The following VWDE variants were observed in gnomAD, a reference collection of about 807,000 sequenced individuals.
VWDE encodes the protein von Willebrand factor D and EGF domain-containing protein.
Under a neutral mutation model 178.4 loss-of-function variants are expected in VWDE, and 207 were observed. That is an observed-to-expected ratio of 1.16 (90% CI 1.04 to 1.30). The LOEUF is 1.30. VWDE is among the 50% of genes most tolerant of loss of function. The pLI, the probability that VWDE is intolerant of heterozygous loss-of-function variation, is 0.00. For synonymous variants in VWDE, 738 were observed against 651.4 expected (o/e 1.13, Z -2.02); for missense variants, 2,287 against 1,901.3 (o/e 1.20, Z -3.77).
chr7:12,397,241 A>C (rs985934658), intron 1 of VWDE, among the ~76,000 whole-genome samples: 2 of 152,138 alleles, frequency 1.3e-5, no homozygotes, highest in Non-Finnish European at 2.9e-5. Flanking sequence ...AATGGAACAG[A>C]ATAGAGAACC....
In VWDE at chr7:12,344,248, TTAATACA is replaced by T. The variant is rs1276704593; in HGVS notation, c.4018_4024del (p.Cys1340SerfsTer44). 3.9e-6 allele frequency: 6 copies of T among 1,551,218 alleles called. No individual in the cohort carries two copies. The highest frequency in any genetic ancestry group is 5.2e-6 in the Non-Finnish European group (6 of 1,146,696). The stretch of plus-strand genomic sequence containing the variant: ...TGGAAGACACTGACAAATGTTAGGC[TTAATACA>T]TTTTCCATGGTTTTTGCAATCAGGG... On this transcript the variant is annotated frameshift_variant, in exon 21 of 29. Coordinates refer to ENST00000275358, the MANE Select transcript of VWDE (RefSeq NM_001135924.3). LOFTEE classifies it high-confidence loss of function.
chr7:12,370,589 G>T (rs928097780), intron 11 of VWDE, 67 bp downstream of exon 11: 2 of 1,533,522 alleles, frequency 1.3e-6, no homozygotes, highest in African/African-American at 2.8e-5. Context: ...AAAAAGCAGA[G>T]TGTTGAGCCA....
chr7:12,354,409 C>A (rs1402308855), intron 18 of VWDE: 1 of 443,772 alleles, frequency 2.3e-6, no homozygotes, highest in South Asian at 1.6e-5. Flanking sequence ...ATGATAGGAA[C>A]CAAAGGTATT....
chr7:12,361,660 A>G (rs1782589248), intron 13 of VWDE, 139 bp from the exon 14 acceptor site: 1 of 741,890 alleles, frequency 1.3e-6, no homozygotes, highest in African/African-American at 1.8e-5. Context: ...CAAAAGTCAC[A>G]TTGGGAGTGA....
intron 10 of VWDE, among the ~76,000 whole-genome samples, chr7:12,371,363 A>G (rs1233829434): frequency 6.6e-6 from 1 of 152,106 alleles, no homozygotes; most frequent in African/African-American, 2.4e-5. Context: ...TAGCTTGGGG[A>G]GTTGGCAATC....
rs188711103 is a variant in VWDE, at chr7:12,336,328, G to T, written c.4559-92C>A. 2.8e-4 allele frequency: 304 copies of T among 1,072,214 alleles called. No individual in the cohort carries two copies. The East Asian group carries it at 4.0e-3, about 14-fold the overall frequency. 66.4% of individuals were successfully genotyped at this position (1,072,214 alleles called of 1,614,324 possible). On this transcript the variant is annotated intron_variant, in intron 26 of 28. Coordinates refer to ENST00000275358, the MANE Select transcript of VWDE (RefSeq NM_001135924.3). ...AAACTTTTCATTAGAGAGAAAAAAA[G>T]AAATAGTTACAAGTAAGTGATTAAA...
At chr7:12,349,825 G>T (rs1211830972) in intron 19 of VWDE, among the ~76,000 whole-genome samples, 1 of 151,998 alleles carries the variant, frequency 6.6e-6, no homozygotes, top group African/African-American at 2.4e-5. Context: ...CTTTGGAGAT[G>T]AGAAAAGTAA....
chr7:12,333,745 C>A, intron 27 of VWDE, 177 bp from the exon 28 acceptor site: 1 of 423,376 alleles, frequency 2.4e-6, no homozygotes. Flanking sequence ...AGAGCACACG[C>A]ACACATCAAA....
chr7:12,367,386 A>C lies in VWDE; in HGVS notation c.2869T>G (p.Ser957Ala). Residue 957 changes from serine (S) to alanine (A), a missense_variant, in exon 13 of 29, where the codon TCA becomes GCA. Ser to Ala is a moderately conservative substitution (Grantham distance 99). Coordinates refer to ENST00000275358, the MANE Select transcript of VWDE (RefSeq NM_001135924.3). Reference protein sequence around the residue: ...VFGKGFKELPSIKCEVTKLQY... With the variant: ...VFGKGFKELPAIKCEVTKLQY... ...AGCTTAGTAACTTCACATTTAATTGAAGGTAATTCTTTGAAGCCTTTGCCA... is the reference window on the plus strand; with the variant it reads ...AGCTTAGTAACTTCACATTTAATTGCAGGTAATTCTTTGAAGCCTTTGCCA... The C allele has an allele frequency of 6.5e-7, 1 of 1,546,528 alleles. No individual in the cohort carries two copies. Among genetic ancestry groups the C allele is most frequent in the Non-Finnish European group, 8.7e-7 (1 of 1,144,450 alleles).
intron 17 of VWDE, among the ~76,000 whole-genome samples, chr7:12,356,833 G>A (rs1782276258): frequency 6.6e-6 from 1 of 152,160 alleles, no homozygotes; most frequent in Admixed American, 6.5e-5. Context: ...ATAATCAAAA[G>A]AAAAGTCAAT....
chr7:12,379,751 T>C (rs370605893), intron 5 of VWDE, among the ~76,000 whole-genome samples, 185 bp from the exon 6 acceptor site: 5 of 152,212 alleles, frequency 3.3e-5, no homozygotes, highest in East Asian at 3.8e-4. Flanking sequence ...ATATGACGTA[T>C]TCAAACCTCA....
In VWDE at chr7:12,383,541, C is replaced by G. The variant is rs1052667011; in HGVS notation, c.536G>C (p.Cys179Ser). 2 of 1,550,010 alleles carry G rather than the reference C, an allele frequency of 1.3e-6. No homozygotes were observed. Among genetic ancestry groups the G allele is most frequent in the African/African-American group, 2.7e-5 (2 of 72,970 alleles). The change falls in exon 4 of 29, where the codon TGT (cysteine) becomes TCT (serine). Residue 179 changes from cysteine to serine, a missense_variant. Coordinates refer to ENST00000275358, the MANE Select transcript of VWDE (RefSeq NM_001135924.3). ...GSDETETGGDCVRQLAASLPP... is the reference protein window; with the variant it reads ...GSDETETGGDSVRQLAASLPP... ...AAGCAAAATATGATACTTACGAACA[C>G]AATCACCTCCTGTTTCAGTTTCATC... is the stretch of plus-strand genomic sequence containing the variant.
chr7:12,345,431 A>C (rs76589991), intron 19 of VWDE, among the ~76,000 whole-genome samples: 3,987 of 152,256 alleles, frequency 0.026, 170 homozygotes, highest in African/African-American at 0.085. Flanking sequence ...CCAAAGGGGC[A>C]GCGTCCACAT....
chr7:12,360,431 A>T (rs1054661674), intron 15 of VWDE, among the ~76,000 whole-genome samples: 3 of 152,230 alleles, frequency 2.0e-5, no homozygotes, highest in African/African-American at 7.2e-5. Context: ...TGGGAAAAAT[A>T]AAAATCAAAC....
chr7:12,331,248 T>C (rs1208845399), intron 28 of VWDE, 51 bp from the exon 29 acceptor site: 2 of 1,472,160 alleles, frequency 1.4e-6, no homozygotes, highest in Non-Finnish European at 1.8e-6. Flanking sequence ...TAAAATCATT[T>C]AACCCTTACT....
chr7:12,375,318 T>A, intron 7 of VWDE, 91 bp from the exon 8 acceptor site: 1 of 1,004,064 alleles, frequency 1.0e-6, no homozygotes, highest in Non-Finnish European at 1.4e-6. Context: ...CACTGAATTG[T>A]AAGATTATTC....
At chr7:12,377,675 T>A (rs1023719970) in intron 7 of VWDE, 101 bp downstream of exon 7, 40 of 679,960 alleles carry the variant, frequency 5.9e-5, no homozygotes, top group Non-Finnish European at 3.4e-5. Flanking sequence ...ACATGCAACA[T>A]GATTTATTAT....
chr7:12,355,884 T>G (rs1252909687), intron 18 of VWDE, among the ~76,000 whole-genome samples: 1 of 152,214 alleles, frequency 6.6e-6, no homozygotes, highest in Non-Finnish European at 1.5e-5. Context: ...AACAGGTTCC[T>G]ACATTGCTAT....
chr7:12,373,551 G>A (rs898233541), intron 9 of VWDE, among the ~76,000 whole-genome samples: 21 of 151,998 alleles, frequency 1.4e-4, no homozygotes, highest in Non-Finnish European at 1.8e-4. Context: ...ATGGCTTTTC[G>A]TAACCACTCT....
Sources: allele counts gnomAD v4.1 joint callset (sites outside exome capture counted in the v4.1 genomes callset), GRCh38; gene constraint gnomAD v4.1.1; transcripts MANE v1.5; gene names NCBI Gene and HGNC (gene_info 2026-07-23, HGNC 2026-07-21).